The following UACA variants were observed in gnomAD, a reference collection of about 807,000 sequenced individuals.
UACA encodes nuclear membrane binding protein.
Under a neutral mutation model 160.5 loss-of-function variants are expected in UACA, and 112 were observed. The ratio of observed to expected loss-of-function variants is 0.70; its 90% CI spans 0.60 to 0.82. The LOEUF is 0.82. Ranked by LOEUF, UACA falls within the 40% of genes least tolerant of loss-of-function variation. The probability of loss-of-function intolerance (pLI) is 0.00; values close to 1 mark genes in which losing one functional copy is unlikely to be tolerated. For synonymous variants in UACA, 557 were observed against 568.4 expected (o/e 0.98, Z 0.29); for missense variants, 1,574 against 1,614.6 (o/e 0.97, Z 0.43).
chr15:70,777,082 T>G, the UACA span, among the ~76,000 whole-genome samples: 1 of 152,122 alleles, frequency 6.6e-6, no homozygotes, highest in African/African-American at 2.4e-5. Flanking sequence ...CAGACCAGGT[T>G]AGTAGCAGTA....
the UACA span, among the ~76,000 whole-genome samples, chr15:70,771,258 A>G: frequency 6.6e-6 from 1 of 152,250 alleles, no homozygotes; most frequent in African/African-American, 2.4e-5. Context: ...ATACCGTGAT[A>G]TTCATCCTTG....
chr15:70,778,351 A>T, the UACA span, among the ~76,000 whole-genome samples: 1 of 152,254 alleles, frequency 6.6e-6, no homozygotes, highest in Non-Finnish European at 1.5e-5. Flanking sequence ...GTAAGTTAGA[A>T]GTCTAACACA....
In UACA at chr15:70,669,060, G is replaced by T. The variant is rs1897043626; in HGVS notation, c.1624C>A (p.Leu542Met). Residue 542 changes from leucine (L) to methionine (M), a missense_variant, in exon 16 of 19, where the codon CTG (leucine) becomes ATG (methionine). By Grantham distance (15) the Leu-to-Met change is conservative. Coordinates refer to ENST00000322954, the MANE Select transcript of UACA (RefSeq NM_018003.4). Reference protein sequence around the residue: ...ASGNHRLTEELKDQLKDLKVK... With the variant: ...ASGNHRLTEEMKDQLKDLKVK... ...TTCAAGTCTTTCAACTGATCCTTCA[G>T]TTCCTCGGTTAGTCTGTGATTCCCT... 6.2e-7 allele frequency: 1 copy of T among 1,613,960 alleles called. No individual in the cohort carries two copies.
chr15:70,770,266 A>G, the UACA span, among the ~76,000 whole-genome samples: 1 of 152,202 alleles, frequency 6.6e-6, no homozygotes, highest in Non-Finnish European at 1.5e-5. Flanking sequence ...TTTAACTCCA[A>G]CATTTATTTG....
intron 13 of UACA, among the ~76,000 whole-genome samples, chr15:70,676,113 A>G (rs923193408): frequency 2.0e-5 from 3 of 152,194 alleles, no homozygotes; most frequent in Non-Finnish European, 4.4e-5. Context: ...CCAGTGATGA[A>G]TCCTTTCTGA....
chr15:70,771,653 A>G, the UACA span, among the ~76,000 whole-genome samples: 1 of 152,346 alleles, frequency 6.6e-6, no homozygotes, highest in African/African-American at 2.4e-5. Context: ...TAAAAAGGGT[A>G]ATGTGCTAGA....
At chr15:70,753,531 C>T (rs1238036951) in intron 1 of UACA, among the ~76,000 whole-genome samples, 1 of 152,158 alleles carries the variant, frequency 6.6e-6, no homozygotes, top group East Asian at 1.9e-4. Flanking sequence ...AGCCAGGCTA[C>T]CTAACTCTTC....
At chr15:70,756,909 C>T (rs1158949615) in intron 1 of UACA, among the ~76,000 whole-genome samples, 1 of 152,164 alleles carries the variant, frequency 6.6e-6, no homozygotes, top group Admixed American at 6.5e-5. Context: ...TCTTTATAAA[C>T]ACAGCCACAT....
chr15:70,774,609 A>G, the UACA span, among the ~76,000 whole-genome samples: 3 of 151,856 alleles, frequency 2.0e-5, no homozygotes, highest in Non-Finnish European at 4.4e-5. Context: ...ATTAACTATT[A>G]TCAATCGTGT....
chr15:70,750,453 C>T (rs2029976312), intron 1 of UACA, among the ~76,000 whole-genome samples: 1 of 152,158 alleles, frequency 6.6e-6, no homozygotes, highest in South Asian at 2.1e-4. Context: ...CCAATTTCCC[C>T]TTCCCCCAGC....
chr15:70,742,854 A>G (rs529478474), intron 1 of UACA, among the ~76,000 whole-genome samples: 40 of 152,294 alleles, frequency 2.6e-4, no homozygotes, highest in African/African-American at 9.6e-4. Context: ...CATATAACAA[A>G]CCACTACCAA....
intron 1 of UACA, among the ~76,000 whole-genome samples, chr15:70,710,364 T>TC (rs35912807): frequency 3.8e-4 from 58 of 152,260 alleles, no homozygotes; most frequent in African/African-American, 1.3e-3. Context: ...ACCAAACTTT[T>TC]CCCAACTCTC....
chr15:70,671,164 T>C (rs750866698), intron 14 of UACA, 73 bp from the exon 15 acceptor site: 2 of 1,039,152 alleles, frequency 1.9e-6, no homozygotes, highest in Non-Finnish European at 2.9e-6. Context: ...TAATTTGATG[T>C]TATTTCCTTT....
chr15:70,668,494 C>T lies in UACA; in HGVS notation c.2190G>A (p.Lys730=). The change falls in exon 16 of 19, where the codon AAG becomes AAA. Residue 730 remains lysine (K), a synonymous_variant. Coordinates refer to ENST00000322954, the MANE Select transcript of UACA (RefSeq NM_018003.4). The part of the protein sequence containing the change: ...EKVYLDNKLL[K]EQAHNLTIEM... Reference sequence around the variant, plus strand: ...CAATTGTTAAGTTATGTGCTTGCTCCTTGAGGAGCTTATTATCCAAATAAA... The same window carrying T: ...CAATTGTTAAGTTATGTGCTTGCTCTTTGAGGAGCTTATTATCCAAATAAA... 6.2e-7 allele frequency: 1 copy of T among 1,611,542 alleles called. No individual in the cohort carries two copies. The highest frequency in any genetic ancestry group is 1.7e-4 in the Middle Eastern group (1 of 6,052).
intron 1 of UACA, among the ~76,000 whole-genome samples, chr15:70,724,048 T>G (rs1426955605): frequency 6.6e-6 from 1 of 152,226 alleles, no homozygotes; most frequent in Non-Finnish European, 1.5e-5. Context: ...TAGCTTTATA[T>G]TTTAAGTGTG....
chr15:70,699,763 T>C (rs900417778), intron 1 of UACA, 103 bp from the exon 2 acceptor site: 31 of 1,258,976 alleles, frequency 2.5e-5, no homozygotes, highest in Non-Finnish European at 3.1e-5. Context: ...GCATAATACA[T>C]CACTTATTTT....
intron 1 of UACA, among the ~76,000 whole-genome samples, chr15:70,719,270 G>C (rs1441713903): frequency 6.6e-6 from 1 of 152,134 alleles, no homozygotes; most frequent in Non-Finnish European, 1.5e-5. Context: ...CAAGTAAAAA[G>C]GGTTTACAAA....
At chr15:70,672,520 C>A (rs1450418205) in intron 13 of UACA, among the ~76,000 whole-genome samples, 1 of 152,170 alleles carries the variant, frequency 6.6e-6, no homozygotes, top group African/African-American at 2.4e-5. Context: ...CAGAGACCTA[C>A]ACATAGTAAT....
At chr15:70,673,850 A>T (rs893368366) in intron 13 of UACA, among the ~76,000 whole-genome samples, 4 of 151,894 alleles carry the variant, frequency 2.6e-5, no homozygotes, top group African/African-American at 9.7e-5. Flanking sequence ...AATTCTTAGT[A>T]GTTTGTTGGT....
Sources: gnomAD v4.1 joint callset for allele counts (sites outside exome capture counted in the v4.1 genomes callset) on GRCh38, gnomAD v4.1.1 for gene constraint, MANE v1.5 for transcripts, NCBI Gene and HGNC (gene_info 2026-07-23, HGNC 2026-07-21) for gene names.